The following CDKAL1 variants were observed in gnomAD, a reference collection of about 807,000 sequenced individuals.
CDKAL1 encodes the protein CDKAL1 threonylcarbamoyladenosine tRNA methylthiotransferase, also known as threonylcarbamoyladenosine tRNA methylthiotransferase.
CDKAL1 carries 32 observed loss-of-function variants against 68.2 expected under a neutral mutation model. That is an observed-to-expected ratio of 0.47 (90% CI 0.35 to 0.63). The LOEUF is 0.63. Among genes scored for constraint, CDKAL1 ranks in the 30% least tolerant of loss-of-function variants. CDKAL1 has a pLI of 0.00. For synonymous variants in CDKAL1, 234 were observed against 244.3 expected (o/e 0.96, Z 0.39); for missense variants, 606 against 696.7 (o/e 0.87, Z 1.47).
chr6:20,866,830 C>T (rs1388103072), intron 9 of CDKAL1, among the ~76,000 whole-genome samples: 1 of 152,238 alleles, frequency 6.6e-6, no homozygotes, highest in Non-Finnish European at 1.5e-5. Context: ...CCTGAAGCAG[C>T]GAGGGATTGG....
intron 4 of CDKAL1, among the ~76,000 whole-genome samples, chr6:20,610,499 C>CT (rs11452882): frequency 0.26 from 38,924 of 148,334 alleles, 5,317 homozygotes; most frequent in Middle Eastern, 0.38. Flanking sequence ...GTTTTTTTTT[C>CT]TTTTTTTTTG....
intron 4 of CDKAL1, among the ~76,000 whole-genome samples, chr6:20,584,152 G>GT (rs546156704): frequency 6.7e-6 from 1 of 148,558 alleles, no homozygotes; most frequent in Non-Finnish European, 1.5e-5. Flanking sequence ...CATTTTATAT[G>GT]TTTAGTTCCT....
At chr6:20,677,828 T>G (rs1464402073) in intron 5 of CDKAL1, among the ~76,000 whole-genome samples, 5 of 152,218 alleles carry the variant, frequency 3.3e-5, no homozygotes, top group African/African-American at 9.7e-5. Context: ...ATGCATAGTG[T>G]GCTCAATATC....
chr6:20,693,313 T>C (rs1770958459), intron 5 of CDKAL1, among the ~76,000 whole-genome samples: 1 of 152,176 alleles, frequency 6.6e-6, no homozygotes, highest in African/African-American at 2.4e-5. Flanking sequence ...CCCTTTCTGC[T>C]TAGTCAGAAA....
chr6:20,990,198 G>A (rs892028527), intron 10 of CDKAL1, among the ~76,000 whole-genome samples: 2 of 152,072 alleles, frequency 1.3e-5, no homozygotes, highest in African/African-American at 2.4e-5. Flanking sequence ...AGCCAAGATC[G>A]CAACACTGCA....
chr6:20,799,345 C>T (rs1776270602), intron 8 of CDKAL1, among the ~76,000 whole-genome samples: 6 of 151,972 alleles, frequency 3.9e-5, no homozygotes, highest in Admixed American at 3.9e-4. Flanking sequence ...AGCCACCGTG[C>T]CCGGCCTAGA....
chr6:20,739,600 A>G lies in CDKAL1; in HGVS notation c.453A>G (p.Gly151=), dbSNP rs755532199. The part of the protein sequence containing the change: ...QAQPRQDYLK[G]LSIIGVQQID... ...AGCCTCGCCAGGACTACCTTAAGGG[A>G]CTGAGTATCATTGGGGTAAGCTTGT... The change falls in exon 6 of 16, where the codon GGA becomes GGG. Residue 151 remains glycine (G), a synonymous_variant. Coordinates refer to ENST00000274695, the MANE Select transcript of CDKAL1 (RefSeq NM_017774.3). 5 of 1,607,636 alleles carry G rather than the reference A, an allele frequency of 3.1e-6. No individual in the cohort carries two copies. In the South Asian group the frequency reaches 3.3e-5, roughly 11 times the overall value.
intron 4 of CDKAL1, among the ~76,000 whole-genome samples, chr6:20,609,401 C>CTTCTTCTTTT (rs1554162718): frequency 2.3e-3 from 112 of 49,768 alleles, no homozygotes; most frequent in African/African-American, 7.9e-3. Context: ...TCTTCTTCTT[C>CTTCTTCTTTT]TTTTTTTTTT....
At chr6:21,088,828 G>A (rs920395993) in intron 12 of CDKAL1, among the ~76,000 whole-genome samples, 1 of 152,110 alleles carries the variant, frequency 6.6e-6, no homozygotes, top group Non-Finnish European at 1.5e-5. Context: ...TGTAATCCCA[G>A]CTACTCAAGA....
intron 4 of CDKAL1, among the ~76,000 whole-genome samples, chr6:20,578,006 G>T (rs898045575): frequency 3.2e-4 from 49 of 152,138 alleles, no homozygotes; most frequent in African/African-American, 1.1e-3. Flanking sequence ...ACAATAAAAA[G>T]AACAAATACA....
chr6:21,179,216 G>C, intron 13 of CDKAL1, among the ~76,000 whole-genome samples: 1 of 152,278 alleles, frequency 6.6e-6, no homozygotes, highest in East Asian at 1.9e-4. Flanking sequence ...AGAGAGTGTG[G>C]GGTGGAGGTG....
chr6:20,656,614 C>CT (rs1385133467), intron 5 of CDKAL1, among the ~76,000 whole-genome samples: 4 of 151,936 alleles, frequency 2.6e-5, no homozygotes, highest in Non-Finnish European at 4.4e-5. Flanking sequence ...AATATAGTTT[C>CT]TGTGATTATC....
intron 5 of CDKAL1, among the ~76,000 whole-genome samples, chr6:20,712,714 G>A (rs1167249272): frequency 6.6e-6 from 1 of 151,638 alleles, no homozygotes; most frequent in East Asian, 1.9e-4. Context: ...GCACAATCTC[G>A]GCTCACTGCA....
chr6:20,799,040 G>GGTTTT (rs772767946), intron 8 of CDKAL1, among the ~76,000 whole-genome samples: 2 of 47,480 alleles, frequency 4.2e-5, no homozygotes, highest in African/African-American at 1.7e-4. Flanking sequence ...AAAGAACTGA[G>GGTTTT]TTTTTTTTTT....
chr6:20,894,158 A>T (rs1276778508), intron 9 of CDKAL1, among the ~76,000 whole-genome samples: 1 of 152,210 alleles, frequency 6.6e-6, no homozygotes, highest in Non-Finnish European at 1.5e-5. Context: ...TTTTGGTGAC[A>T]GCCTGATGCA....
At chr6:20,890,739 C>A (rs1337320549) in intron 9 of CDKAL1, among the ~76,000 whole-genome samples, 1 of 152,078 alleles carries the variant, frequency 6.6e-6, no homozygotes, top group Non-Finnish European at 1.5e-5. Context: ...TTAATTAGTG[C>A]ATCAGGCGAT....
chr6:20,741,021 C>T (rs934098753), intron 6 of CDKAL1, among the ~76,000 whole-genome samples: 1 of 152,076 alleles, frequency 6.6e-6, no homozygotes, highest in Admixed American at 6.6e-5. Context: ...CAAGGAATTA[C>T]GTTAGAGAAT....
intron 13 of CDKAL1, among the ~76,000 whole-genome samples, chr6:21,182,473 T>G (rs1243216347): frequency 1.3e-5 from 2 of 152,168 alleles, no homozygotes; most frequent in Non-Finnish European, 2.9e-5. Context: ...TTATTTCCCT[T>G]AAAATTTAAG....
At chr6:20,706,574 C>A (rs531840903) in intron 5 of CDKAL1, among the ~76,000 whole-genome samples, 1 of 152,250 alleles carries the variant, frequency 6.6e-6, no homozygotes, top group South Asian at 2.1e-4. Flanking sequence ...TTTAAGGTGT[C>A]CTCTAACTTT....
Sources: gnomAD v4.1 joint callset for allele counts (sites outside exome capture counted in the v4.1 genomes callset) on GRCh38, gnomAD v4.1.1 for gene constraint, MANE v1.5 for transcripts, NCBI Gene and HGNC (gene_info 2026-07-23, HGNC 2026-07-21) for gene names.